GRIK2: variants seen among roughly 807,000 people sequenced by gnomAD.
GRIK2 encodes glutamate ionotropic receptor kainate type subunit 2, also known as glutamate receptor ionotropic, kainate 2.
In GRIK2, 32 loss-of-function variants were observed where a neutral mutation model predicts 100.3. The observed-to-expected ratio is 0.32, with a 90% CI of 0.24 to 0.43. The LOEUF (loss-of-function observed/expected upper bound fraction) is 0.43. Among genes scored for constraint, GRIK2 ranks in the 20% least tolerant of loss-of-function variants. The pLI, the probability that GRIK2 is intolerant of heterozygous loss-of-function variation, is 1.00. For missense variants in GRIK2, 843 were observed against 1,114.9 expected (o/e 0.76, Z 3.47); for synonymous variants, 417 against 389.4 (o/e 1.07, Z -0.83).
At chr6:101,940,350 T>G (rs1039045833) in intron 14 of GRIK2, among the ~76,000 whole-genome samples, 1 of 152,164 alleles carries the variant, frequency 6.6e-6, no homozygotes, top group Admixed American at 6.6e-5. Context: ...CTTTCATTGA[T>G]TTTTATTACC....
intron 2 of GRIK2, among the ~76,000 whole-genome samples, chr6:101,572,813 T>TGTTTG (rs1301616273): frequency 1.8e-5 from 2 of 108,684 alleles, no homozygotes; most frequent in African/African-American, 5.0e-5. Context: ...TTATTGTTGT[T>TGTTTG]TATTATTTAT....
At chr6:101,913,857 A>G (rs1271944080) in intron 12 of GRIK2, among the ~76,000 whole-genome samples, 1 of 151,582 alleles carries the variant, frequency 6.6e-6, no homozygotes. Context: ...GTTAGAGCAT[A>G]GTAGAAAAAA....
chr6:101,491,870 T>C (rs1485037167), intron 2 of GRIK2, among the ~76,000 whole-genome samples: 5 of 151,712 alleles, frequency 3.3e-5, no homozygotes, highest in African/African-American at 7.2e-5. Flanking sequence ...ATAGTTTGCA[T>C]ATATATATAT....
chr6:101,958,253 TTGTGTG>T (rs1554292720), intron 14 of GRIK2, among the ~76,000 whole-genome samples: 159 of 139,536 alleles, frequency 1.1e-3, no homozygotes, highest in Non-Finnish European at 2.0e-3. Flanking sequence ...TGCTACATAT[TTGTGTG>T]TGTGTGTGTG....
chr6:101,573,034 A>AT, intron 2 of GRIK2, among the ~76,000 whole-genome samples: 1 of 151,318 alleles, frequency 6.6e-6, no homozygotes, highest in South Asian at 2.1e-4. Context: ...TTTACTAGAG[A>AT]TGGGTTTCAC....
intron 9 of GRIK2, among the ~76,000 whole-genome samples, chr6:101,817,549 A>G (rs1207087514): frequency 6.6e-6 from 1 of 152,170 alleles, no homozygotes; most frequent in Non-Finnish European, 1.5e-5. Flanking sequence ...GATCATTGTT[A>G]TATGATAGTG....
chr6:101,811,718 T>C (rs568477812), intron 9 of GRIK2, among the ~76,000 whole-genome samples: 1 of 151,986 alleles, frequency 6.6e-6, no homozygotes, highest in South Asian at 2.1e-4. Context: ...GAAAAGATGC[T>C]ACTTTCAGAG....
At chr6:101,799,478 T>A (rs537445687) in intron 7 of GRIK2, among the ~76,000 whole-genome samples, 170 bp from the exon 8 acceptor site, 1 of 152,258 alleles carries the variant, frequency 6.6e-6, no homozygotes, top group South Asian at 2.1e-4. Flanking sequence ...TTGATCATAA[T>A]GTCTTGTTTA....
intron 2 of GRIK2, among the ~76,000 whole-genome samples, chr6:101,537,982 A>G (rs1351696709): frequency 6.6e-6 from 1 of 151,854 alleles, no homozygotes; most frequent in Middle Eastern, 3.2e-3. Flanking sequence ...AATGACTGCA[A>G]TAAAAGCTAC....
At chr6:101,532,124 T>C (rs1166211558) in intron 2 of GRIK2, among the ~76,000 whole-genome samples, 1 of 151,936 alleles carries the variant, frequency 6.6e-6, no homozygotes, top group East Asian at 1.9e-4. Flanking sequence ...TGTTTTGGTC[T>C]ATCTATCTAA....
At chr6:101,873,028 A>G (rs898352595) in intron 11 of GRIK2, among the ~76,000 whole-genome samples, 4 of 151,914 alleles carry the variant, frequency 2.6e-5, no homozygotes, top group South Asian at 2.1e-4. Flanking sequence ...TAGGTCCCCA[A>G]TGCTTATTAT....
chr6:101,603,538 C>T (rs1779316036), intron 2 of GRIK2, among the ~76,000 whole-genome samples: 1 of 151,684 alleles, frequency 6.6e-6, no homozygotes, highest in African/African-American at 2.4e-5. Context: ...AACTTAAAGG[C>T]TACTCTCCGC....
intron 12 of GRIK2, among the ~76,000 whole-genome samples, chr6:101,915,871 C>A (rs1789071434): frequency 6.6e-6 from 1 of 151,042 alleles, no homozygotes; most frequent in Non-Finnish European, 1.5e-5. Flanking sequence ...GTATTTTTTC[C>A]CCCTCTCTTC....
chr6:101,537,463 T>TGTGC (rs1775768644), intron 2 of GRIK2, among the ~76,000 whole-genome samples: 1 of 150,998 alleles, frequency 6.6e-6, no homozygotes, highest in Non-Finnish European at 1.5e-5. Context: ...TGCGTGTGTG[T>TGTGC]GTGTGTGTGT....
intron 11 of GRIK2, among the ~76,000 whole-genome samples, chr6:101,875,509 T>C (rs1299742004): frequency 6.6e-6 from 1 of 151,914 alleles, no homozygotes; most frequent in East Asian, 1.9e-4. Flanking sequence ...AGGCTATTTT[T>C]TTTTTACAGA....
At chr6:102,003,328 A>G (rs1030065284) in intron 14 of GRIK2, among the ~76,000 whole-genome samples, 1 of 151,672 alleles carries the variant, frequency 6.6e-6, no homozygotes, top group African/African-American at 2.4e-5. Flanking sequence ...GCGAGTGCAT[A>G]TATACACGCA....
At chr6:101,619,651 A>G (rs1319360017) in intron 2 of GRIK2, among the ~76,000 whole-genome samples, 1 of 151,916 alleles carries the variant, frequency 6.6e-6, no homozygotes, top group Non-Finnish European at 1.5e-5. Flanking sequence ...TTGCATTTCT[A>G]TAATTTTCTC....
At position 101,435,159 on chromosome 6, in the gene GRIK2, T is replaced by A. The variant is rs147507245; in HGVS notation, c.115+35767T>A. 3.0e-4 allele frequency among the ~76,000 whole-genome samples: 45 copies of A among 152,270 alleles called. No individual in the cohort carries two copies. In the East Asian group the frequency reaches 7.9e-3, roughly 27 times the overall value. On this transcript the variant is annotated intron_variant, in intron 2 of 16. Transcript: ENST00000369134. ...CAGAACCAATGAGTGTACTTTTCTA[T>A]TCTTCTTTTTTTAATATAGTGTGAC...
At chr6:101,630,371 AT>A (rs1403126113) in intron 4 of GRIK2, among the ~76,000 whole-genome samples, 1 of 152,054 alleles carries the variant, frequency 6.6e-6, no homozygotes, top group Non-Finnish European at 1.5e-5. Flanking sequence ...CCTCACCAAC[AT>A]TTATTGTTTT....
Sources: gnomAD v4.1 joint callset for allele counts (sites outside exome capture counted in the v4.1 genomes callset) on GRCh38, gnomAD v4.1.1 for gene constraint, MANE v1.5 for transcripts, NCBI Gene and HGNC (gene_info 2026-07-23, HGNC 2026-07-21) for gene names.